Variants in COMMD10 observed in about 807,000 individuals in gnomAD.
COMMD10 encodes the protein COMM domain-containing protein 10.
In COMMD10, 33 loss-of-function variants were observed where a neutral mutation model predicts 28.9. That is an observed-to-expected ratio of 1.14 (90% confidence interval 0.87 to 1.53). COMMD10 has a LOEUF of 1.53. Among genes scored for constraint, COMMD10 ranks in the 40% most tolerant of loss-of-function variants. The pLI is 0.00. For missense variants in COMMD10, 310 were observed against 233.4 expected, an observed-to-expected ratio of 1.33 and a Z score of -2.14; for synonymous variants, 110 against 81.7, an observed-to-expected ratio of 1.35 and a Z score of -1.87.
chr5:116,285,202 G>T (rs547204677), intron 5 of COMMD10, among the ~76,000 whole-genome samples: 2 of 151,894 alleles, frequency 1.3e-5, no homozygotes, highest in African/African-American at 4.9e-5. Flanking sequence ...TATCATACAT[G>T]TAAATGTAAA....
intron 5 of COMMD10, among the ~76,000 whole-genome samples, chr5:116,263,866 C>G (rs980009620): frequency 2.0e-5 from 3 of 151,644 alleles, no homozygotes; most frequent in Non-Finnish European, 4.4e-5. Context: ...AAAATGTACC[C>G]CGACCACCTT....
intron 5 of COMMD10, among the ~76,000 whole-genome samples, chr5:116,263,622 C>A (rs1236894312): frequency 6.6e-6 from 1 of 151,684 alleles, no homozygotes. Flanking sequence ...TTCCTCTGCC[C>A]AATAAAACTT....
chr5:116,147,170 C>T (rs1028651524), intron 5 of COMMD10, among the ~76,000 whole-genome samples: 2 of 149,788 alleles, frequency 1.3e-5, no homozygotes, highest in Non-Finnish European at 3.0e-5. Flanking sequence ...TGAGAATCTG[C>T]TGAAGACAGC....
chr5:116,166,506 GCCT>G (rs570396527), intron 5 of COMMD10, among the ~76,000 whole-genome samples: 288 of 152,336 alleles, frequency 1.9e-3, no homozygotes, highest in Middle Eastern at 3.4e-3. Context: ...GGGACAGACT[GCCT>G]CCTCAAGTGG....
At chr5:116,277,506 T>G (rs542303903) in intron 5 of COMMD10, among the ~76,000 whole-genome samples, 1 of 152,050 alleles carries the variant, frequency 6.6e-6, no homozygotes, top group Non-Finnish European at 1.5e-5. Flanking sequence ...TTATTGTACC[T>G]GCCTGTCTTT....
intron 4 of COMMD10, among the ~76,000 whole-genome samples, chr5:116,133,247 A>G (rs1333218526): frequency 2.0e-5 from 3 of 152,174 alleles, no homozygotes; most frequent in African/African-American, 7.2e-5. Context: ...AAAACCTTAC[A>G]CTTCTGAAGC....
chr5:116,217,914 CAAAAA>C (rs879104498), intron 5 of COMMD10: 3 of 365,538 alleles, frequency 8.2e-6, no homozygotes, highest in African/African-American at 6.7e-5. Context: ...CAGCATAGCT[CAAAAA>C]AAAAAAGTAA....
rs186929398 is a variant in COMMD10 at position 116,160,108 on chromosome 5, G to T, written c.510+25930G>T. The stretch of plus-strand genomic sequence containing the variant: ...AGTGCAGTGGGATAGCAAACAAGAG[G>T]TTGTTTTCTGCCCATTTGCCTCCTT... On this transcript the variant is annotated intron_variant, in intron 5 of 6. Transcript: ENST00000274458. Among the ~76,000 whole-genome samples, 68 of 152,188 alleles carry T rather than the reference G, an allele frequency of 4.5e-4. 2 individuals are homozygous for T. The East Asian group carries it at 0.013, about 28-fold the overall frequency.
At chr5:116,270,413 T>A (rs974026120) in intron 5 of COMMD10, among the ~76,000 whole-genome samples, 1 of 151,816 alleles carries the variant, frequency 6.6e-6, no homozygotes, top group Non-Finnish European at 1.5e-5. Flanking sequence ...TTACAGTTGG[T>A]TGTGGAGAAG....
intron 5 of COMMD10, among the ~76,000 whole-genome samples, chr5:116,283,865 C>T (rs1380443709): frequency 2.0e-5 from 3 of 151,780 alleles, no homozygotes; most frequent in Non-Finnish European, 2.9e-5. Context: ...TACAGTGGCT[C>T]ATGCCTGTAA....
intron 1 of COMMD10, among the ~76,000 whole-genome samples, chr5:116,086,124 C>T (rs1330974764): frequency 6.6e-6 from 1 of 152,098 alleles, no homozygotes; most frequent in Non-Finnish European, 1.5e-5. Context: ...TGGTGTACTC[C>T]CTATGTAAAT....
chr5:116,164,629 A>G (rs1753031998), intron 5 of COMMD10, among the ~76,000 whole-genome samples: 1 of 152,218 alleles, frequency 6.6e-6, no homozygotes, highest in South Asian at 2.1e-4. Context: ...GCCAACTTGT[A>G]GTTTACAAAT....
intron 5 of COMMD10, among the ~76,000 whole-genome samples, chr5:116,230,706 C>A (rs144694928): frequency 2.0e-5 from 3 of 152,000 alleles, no homozygotes; most frequent in Non-Finnish European, 4.4e-5. Flanking sequence ...CTTTTACCAG[C>A]CCCCACCTCA....
intron 5 of COMMD10, among the ~76,000 whole-genome samples, chr5:116,248,712 CTT>C (rs1055600048): frequency 2.0e-5 from 3 of 151,880 alleles, no homozygotes; most frequent in African/African-American, 7.2e-5. Flanking sequence ...TGCAAATACT[CTT>C]GTTTTCCTTT....
chr5:116,213,336 C>G (rs1054032843), intron 5 of COMMD10, among the ~76,000 whole-genome samples: 1 of 152,138 alleles, frequency 6.6e-6, no homozygotes, highest in Non-Finnish European at 1.5e-5. Context: ...TCACATCAGT[C>G]TTACAGCTTT....
intron 5 of COMMD10, among the ~76,000 whole-genome samples, chr5:116,264,994 TG>T (rs1253509563): frequency 6.6e-6 from 1 of 151,740 alleles, no homozygotes; most frequent in Admixed American, 6.6e-5. Flanking sequence ...GTAGGGAAAA[TG>T]TTTTTTATAT....
At chr5:116,160,754 T>A (rs1752890130) in intron 5 of COMMD10, among the ~76,000 whole-genome samples, 1 of 152,180 alleles carries the variant, frequency 6.6e-6, no homozygotes, top group Non-Finnish European at 1.5e-5. Flanking sequence ...ATCTCATGGC[T>A]TTAATTAAGG....
intron 5 of COMMD10, among the ~76,000 whole-genome samples, chr5:116,215,958 A>G (rs1375613112): frequency 2.0e-5 from 3 of 151,934 alleles, no homozygotes; most frequent in Non-Finnish European, 1.5e-5. Flanking sequence ...TTCTTAATAT[A>G]GAGGTCAAAA....
chr5:116,153,036 G>T (rs1456981483), intron 5 of COMMD10, among the ~76,000 whole-genome samples: 19 of 152,106 alleles, frequency 1.2e-4, no homozygotes, highest in Admixed American at 1.2e-3. Context: ...TAATAAGACT[G>T]CTACTACATA....
Sources: allele counts gnomAD v4.1 joint callset (sites outside exome capture counted in the v4.1 genomes callset), GRCh38; gene constraint gnomAD v4.1.1; transcripts MANE v1.5; gene names NCBI Gene and HGNC (gene_info 2026-07-23, HGNC 2026-07-21).